SLC16A7: variants seen among roughly 807,000 people sequenced by gnomAD.
The protein encoded by SLC16A7 is monocarboxylate transporter 2.
A neutral mutation model predicts 34.9 loss-of-function variants in SLC16A7; 33 were observed. That is an observed-to-expected ratio of 0.94 (90% CI 0.72 to 1.26). The LOEUF (loss-of-function observed/expected upper bound fraction) is 1.26, where lower values mean the gene tolerates loss of function less well. Ranked by LOEUF, SLC16A7 falls within the 50% of genes most tolerant of loss-of-function variation. The pLI is 0.00. For synonymous variants in SLC16A7, 201 were observed against 206.6 expected (o/e 0.97, Z 0.23); for missense variants, 573 against 578.1 (o/e 0.99, Z 0.09).
intron 3 of SLC16A7, among the ~76,000 whole-genome samples, chr12:59,724,721 A>G (rs981569461): frequency 6.6e-6 from 1 of 152,066 alleles, no homozygotes; most frequent in Non-Finnish European, 1.5e-5. Flanking sequence ...AGCATGATTA[A>G]CTAGTTTATG....
Position 59,784,382 on chromosome 12 carries a change from A to T in SLC16A7, c.*4703A>T, listed in dbSNP as rs1197798485. 2.0e-5 allele frequency: 3 copies of T among 152,132 alleles called. No individual in the cohort carries two copies. Among genetic ancestry groups the T allele is most frequent in the South Asian group, 4.1e-4 (2 of 4,830 alleles). The allele number at this position is 152,132 out of a possible 1,614,324, so 9.4% of individuals were successfully genotyped here. A position where few individuals can be genotyped will look rare whatever the true frequency, so the allele number is the denominator to read the frequency against. ...GTGAGAATCTGTCTCTATTAAAAAA[A>T]AAATAAAATGTTCTTACTAGAAAAC... On this transcript the variant is annotated 3_prime_UTR_variant, in exon 6 of 6. Transcript: ENST00000547379.
intron 1 of SLC16A7, among the ~76,000 whole-genome samples, chr12:59,635,322 A>G (rs1045800060): frequency 1.3e-5 from 2 of 152,028 alleles, no homozygotes; most frequent in African/African-American, 4.8e-5. Flanking sequence ...CCTTATTAAC[A>G]TTGATTGCCT....
At chr12:59,612,360 T>C (rs919093600) in intron 1 of SLC16A7, among the ~76,000 whole-genome samples, 2 of 152,104 alleles carry the variant, frequency 1.3e-5, no homozygotes, top group Non-Finnish European at 2.9e-5. Context: ...TGGCTGGAGC[T>C]GAAGCAACTG....
intron 5 of SLC16A7, among the ~76,000 whole-genome samples, chr12:59,777,200 T>C (rs1218550642): frequency 2.0e-5 from 3 of 152,224 alleles, no homozygotes; most frequent in Non-Finnish European, 4.4e-5. Context: ...CATGTGCCAC[T>C]GGCAGCAAAT....
chr12:59,771,913 TCA>T (rs1306683219), intron 4 of SLC16A7, among the ~76,000 whole-genome samples: 128 of 152,254 alleles, frequency 8.4e-4, no homozygotes, highest in Non-Finnish European at 5.9e-5. Context: ...GTTTAAAAGC[TCA>T]GTGAGCCACA....
At chr12:59,776,773 T>G (rs986325185) in intron 5 of SLC16A7, among the ~76,000 whole-genome samples, 1 of 152,184 alleles carries the variant, frequency 6.6e-6, no homozygotes, top group African/African-American at 2.4e-5. Context: ...ACCAGGGCTA[T>G]CCTATGGTAT....
At chr12:59,766,364 T>A (rs1168108389) in intron 3 of SLC16A7, among the ~76,000 whole-genome samples, 1 of 152,154 alleles carries the variant, frequency 6.6e-6, no homozygotes, top group Admixed American at 6.6e-5. Flanking sequence ...CTTCCAACAC[T>A]ATGTTGAATA....
chr12:59,708,812 A>G (rs1436058737), intron 3 of SLC16A7, among the ~76,000 whole-genome samples: 5 of 151,642 alleles, frequency 3.3e-5, no homozygotes, highest in Non-Finnish European at 1.5e-5. Context: ...GTCTGAATTA[A>G]AAATGAAACT....
intron 3 of SLC16A7, among the ~76,000 whole-genome samples, chr12:59,724,740 C>T (rs572158971): frequency 4.0e-5 from 6 of 151,716 alleles, no homozygotes; most frequent in East Asian, 1.9e-4. Context: ...TGATGTCACT[C>T]GGAATATTAT....
intron 1 of SLC16A7, among the ~76,000 whole-genome samples, chr12:59,631,766 A>G (rs1880193169): frequency 6.6e-6 from 1 of 151,982 alleles, no homozygotes; most frequent in African/African-American, 2.4e-5. Flanking sequence ...TGTAAGTGAG[A>G]ACATGCAGTC....
At chr12:59,721,024 G>C (rs896570327) in intron 3 of SLC16A7, among the ~76,000 whole-genome samples, 8 of 152,042 alleles carry the variant, frequency 5.3e-5, no homozygotes, top group Non-Finnish European at 8.8e-5. Context: ...CTCCATGGCA[G>C]AATGTAAACC....
At chr12:59,754,928 C>G (rs1368580395) in intron 3 of SLC16A7, among the ~76,000 whole-genome samples, 3 of 152,158 alleles carry the variant, frequency 2.0e-5, no homozygotes, top group South Asian at 2.1e-4. Flanking sequence ...TGGGCTTCAT[C>G]CCTGGGATGC....
chr12:59,773,757 G>T (rs953864345), intron 4 of SLC16A7, among the ~76,000 whole-genome samples: 3 of 151,964 alleles, frequency 2.0e-5, no homozygotes, highest in Non-Finnish European at 4.4e-5. Context: ...TAGAGACGGG[G>T]TTTCACCATG....
chr12:59,663,964 G>A (rs1203842745), intron 2 of SLC16A7, among the ~76,000 whole-genome samples: 1 of 151,880 alleles, frequency 6.6e-6, no homozygotes, highest in African/African-American at 2.4e-5. Context: ...CTAAATAATT[G>A]TATCTTTCAC....
chr12:59,626,158 AT>A (rs1023720136), intron 1 of SLC16A7, among the ~76,000 whole-genome samples: 2 of 151,888 alleles, frequency 1.3e-5, no homozygotes, highest in Admixed American at 6.6e-5. Flanking sequence ...AATAATCTTA[AT>A]TTTTTTATGT....
chr12:59,650,448 A>C (rs886488092), intron 1 of SLC16A7, among the ~76,000 whole-genome samples: 2 of 152,128 alleles, frequency 1.3e-5, no homozygotes, highest in African/African-American at 4.8e-5. Flanking sequence ...CAAAGTTGGA[A>C]TATTGTCTCT....
At chr12:59,650,997 C>T (rs1324231144) in intron 1 of SLC16A7, among the ~76,000 whole-genome samples, 9 of 152,116 alleles carry the variant, frequency 5.9e-5, no homozygotes, top group Non-Finnish European at 5.9e-5. Flanking sequence ...TTTTGCTTCT[C>T]TCTTACTCCC....
intron 1 of SLC16A7, among the ~76,000 whole-genome samples, chr12:59,635,773 A>C (rs1434265064): frequency 6.6e-6 from 1 of 151,958 alleles, no homozygotes; most frequent in Non-Finnish European, 1.5e-5. Flanking sequence ...CATCAGAAAA[A>C]AATATTCCTT....
chr12:59,602,446 T>C lies in SLC16A7; in HGVS notation c.-130+6210T>C, dbSNP rs952382677. 4.6e-5 allele frequency among the ~76,000 whole-genome samples: 7 copies of C among 151,022 alleles called. No individual in the cohort carries two copies. The East Asian group carries it at 1.4e-3, about 30-fold the overall frequency. On this transcript the variant is annotated intron_variant, in intron 1 of 5. Transcript: ENST00000547379. ...AGCTCGCCTTTCACCTCGTATTCAATATAAGTATGTCTTCCCCAGTTTGTG... is the reference window on the plus strand; with the variant it reads ...AGCTCGCCTTTCACCTCGTATTCAACATAAGTATGTCTTCCCCAGTTTGTG...
Sources: gnomAD v4.1 joint callset for allele counts (sites outside exome capture counted in the v4.1 genomes callset) on GRCh38, gnomAD v4.1.1 for gene constraint, MANE v1.5 for transcripts, NCBI Gene and HGNC (gene_info 2026-07-23, HGNC 2026-07-21) for gene names.